Variants in CMIP observed in about 807,000 individuals in gnomAD.
CMIP encodes c-Maf inducing protein.
Under a neutral mutation model 97.3 loss-of-function variants are expected in CMIP, and 13 were observed. The ratio of observed to expected loss-of-function variants is 0.13; its 90% CI spans 0.09 to 0.21. The LOEUF is 0.21. Ranked by LOEUF, CMIP falls within the 10% of genes least tolerant of loss-of-function variation. The probability of loss-of-function intolerance (pLI) is 1.00; values close to 1 mark genes in which losing one functional copy is unlikely to be tolerated. For synonymous variants in CMIP, 538 were observed against 436.3 expected, an observed-to-expected ratio of 1.23 and a Z score of -2.91; for missense variants, 847 against 1,024.9, an observed-to-expected ratio of 0.83 and a Z score of 2.37.
chr16:81,465,403 C>G (rs2150741519), intron 1 of CMIP, among the ~76,000 whole-genome samples: 1 of 152,262 alleles, frequency 6.6e-6, no homozygotes, highest in Non-Finnish European at 1.5e-5. Context: ...AGGTTGCGTC[C>G]TTGATAGGGG....
rs1299307075 is a variant in CMIP at position 81,553,145 on chromosome 16, C to T, written c.301-54422C>T. On this transcript the variant is annotated intron_variant, in intron 1 of 20. Transcript: ENST00000537098. ...TGAGTCTCTGCTTGTTTCAGTCCCA[C>T]TGTTTCTCAGTCTTCCCTCGTTTTC... 3.9e-5 allele frequency among the ~76,000 whole-genome samples: 6 copies of T among 152,192 alleles called. No individual in the cohort carries two copies. In the East Asian group the frequency reaches 9.7e-4, roughly 24 times the overall value.
intron 1 of CMIP, among the ~76,000 whole-genome samples, chr16:81,569,962 TTCA>T (rs2091054741): frequency 6.6e-6 from 1 of 152,124 alleles, no homozygotes; most frequent in Non-Finnish European, 1.5e-5. Flanking sequence ...CATTCATTCA[TTCA>T]TTCATTCATT....
chr16:81,585,820 A>G lies in CMIP; in HGVS notation c.301-21747A>G, dbSNP rs189168538. On this transcript the variant is annotated intron_variant, in intron 1 of 20. Transcript: ENST00000537098. Reference sequence around the variant, plus strand: ...TCCCTGGCCCAGCAAAATCCTCCTCACTTCTCAAGATTCGGCTGTGAGCAG... The same window carrying G: ...TCCCTGGCCCAGCAAAATCCTCCTCGCTTCTCAAGATTCGGCTGTGAGCAG... 5.9e-4 allele frequency among the ~76,000 whole-genome samples: 89 copies of G among 152,082 alleles called. 1 individual carries two copies. In the East Asian group the frequency reaches 0.016, roughly 27 times the overall value.
intron 3 of CMIP, among the ~76,000 whole-genome samples, chr16:81,626,122 G>C (rs887853424): frequency 6.6e-6 from 1 of 152,210 alleles, no homozygotes; most frequent in Non-Finnish European, 1.5e-5. Flanking sequence ...ACAGCCCCTC[G>C]ATCACCGCAT....
At chr16:81,705,424 C>G in intron 18 of CMIP, 75 bp from the exon 19 acceptor site, 1 of 1,087,186 alleles carries the variant, frequency 9.2e-7, no homozygotes. Context: ...TCCCTTTCCT[C>G]CACCTCTGCC....
chr16:81,615,762 T>G (rs1245484259), intron 2 of CMIP, among the ~76,000 whole-genome samples: 1 of 151,926 alleles, frequency 6.6e-6, no homozygotes. Context: ...TGTATGTGTC[T>G]TTGTGTGTGT....
intron 1 of CMIP, among the ~76,000 whole-genome samples, chr16:81,532,237 C>T (rs1229968121): frequency 2.0e-5 from 3 of 152,240 alleles, no homozygotes; most frequent in Admixed American, 6.5e-5. Flanking sequence ...CGGATCACCT[C>T]ATCATTAGAT....
chr16:81,641,417 A>G (rs1229190773), intron 3 of CMIP, among the ~76,000 whole-genome samples: 4 of 151,734 alleles, frequency 2.6e-5, no homozygotes, highest in Admixed American at 1.3e-4. Context: ...AGCTACATAC[A>G]ATTTTTTTTT....
In CMIP at chr16:81,445,489, G is replaced by T; in HGVS notation, c.248G>T (p.Arg83Leu). Reference protein sequence around the residue: ...SKILTSKFLRRWEPHHLTLAD... With the variant: ...SKILTSKFLRLWEPHHLTLAD... Reference sequence around the variant, plus strand: ...ATCCTCACCTCGAAATTCCTGAGGCGCTGGGAGCCGCACCACCTAACGCTG... The same window carrying T: ...ATCCTCACCTCGAAATTCCTGAGGCTCTGGGAGCCGCACCACCTAACGCTG... Residue 83 changes from arginine (R) to leucine (L), a missense_variant, in exon 1 of 21, where the codon CGC becomes CTC. Arg to Leu is a moderately radical substitution (Grantham distance 102). This residue lies in a region of CMIP where 285 missense variants were observed against 392.2 expected (regional missense o/e 0.73). Coordinates refer to ENST00000537098, the MANE Select transcript of CMIP (RefSeq NM_198390.3). 1 of 1,556,040 alleles carries T rather than the reference G, an allele frequency of 6.4e-7. No homozygotes were observed.
intron 3 of CMIP, among the ~76,000 whole-genome samples, chr16:81,634,668 T>C (rs2150979627): frequency 6.6e-6 from 1 of 152,302 alleles, no homozygotes; most frequent in African/African-American, 2.4e-5. Context: ...CATGACAGCA[T>C]TACCTGGCTT....
intron 3 of CMIP, among the ~76,000 whole-genome samples, chr16:81,636,552 G>A (rs2092237937): frequency 6.8e-6 from 1 of 146,306 alleles, no homozygotes; most frequent in South Asian, 2.1e-4. Context: ...CTGCATTCCA[G>A]CCTGGGTTAC....
At chr16:81,651,501 G>T (rs1205716861) in intron 3 of CMIP, 1 of 399,580 alleles carries the variant, frequency 2.5e-6, no homozygotes, top group African/African-American at 2.2e-5. Context: ...AGCATTCCAG[G>T]TTTAGTCCCT....
At position 81,678,324 on chromosome 16, in the gene CMIP, C is replaced by A; in HGVS notation, c.1084C>A (p.Pro362Thr). The stretch of plus-strand genomic sequence containing the variant: ...GGAAATCCGGAACGGCTGCCAGCAG[C>A]CGTGCGACCGGAAGCCCACTTTACC... ...LKEIRNGCQQ[P>T]CDRKPTLPLR... is the part of the protein sequence containing the mutation. Residue 362 changes from proline (P) to threonine (T), a missense_variant, in exon 10 of 21, where the codon CCG becomes ACG. Physicochemically the swap from Pro to Thr is conservative, Grantham distance 38. Around this residue, in one of 4 missense-constraint regions of CMIP, gnomAD observed 202 missense variants for 168.7 expected, o/e 1.20. Coordinates refer to ENST00000537098, the MANE Select transcript of CMIP (RefSeq NM_198390.3). 6.2e-7 allele frequency: 1 copy of A among 1,610,244 alleles called. No homozygotes were observed. Among genetic ancestry groups the A allele is most frequent in the Non-Finnish European group, 8.5e-7 (1 of 1,177,988 alleles).
At chr16:81,639,098 G>T (rs371798774) in intron 3 of CMIP, among the ~76,000 whole-genome samples, 2 of 152,170 alleles carry the variant, frequency 1.3e-5, no homozygotes, top group African/African-American at 4.8e-5. Flanking sequence ...AGGACCAGGG[G>T]GTGACCCTGA....
chr16:81,444,871 C>T lies in CMIP; in HGVS notation c.-371C>T, dbSNP rs1447946158. 1.4e-5 allele frequency among the ~76,000 whole-genome samples: 2 copies of T among 142,890 alleles called. No homozygotes were observed. Among genetic ancestry groups the T allele is most frequent in the African/African-American group, 2.5e-5 (1 of 39,846 alleles). The allele number at this position is 142,890 out of a possible 152,430, so 93.7% of individuals were successfully genotyped here. ...CACACGCGCGCGGCGGCGCGGGGCC[C>T]CGAGACACGCCCGCCCCCACCCCGC... On this transcript the variant is annotated 5_prime_UTR_variant, in exon 1 of 21. Coordinates refer to ENST00000537098, the MANE Select transcript of CMIP (RefSeq NM_198390.3).
At chr16:81,562,638 T>C (rs930946791) in intron 1 of CMIP, among the ~76,000 whole-genome samples, 2 of 152,232 alleles carry the variant, frequency 1.3e-5, no homozygotes, top group East Asian at 3.9e-4. Flanking sequence ...TGGCCCCAGA[T>C]GGGTGCATTA....
rs2151015414 is a variant in CMIP at position 81,657,799 on chromosome 16, C to T, written c.664C>T (p.His222Tyr). 1.9e-6 allele frequency: 3 copies of T among 1,608,484 alleles called. No individual in the cohort carries two copies. The highest frequency in any genetic ancestry group is 4.5e-5 in the East Asian group (2 of 44,636). ...SENTNLTTQE[H>Y]ENIIVAIAPL... ...GAACACAAACTTGACCACCCAGGAG[C>T]ATGAAAACATCATTGTGGTAAGTTC... is the stretch of plus-strand genomic sequence containing the variant. Residue 222 changes from histidine (H) to tyrosine (Y), a missense_variant, in exon 5 of 21, where the codon CAT becomes TAT. Coordinates refer to ENST00000537098, the MANE Select transcript of CMIP (RefSeq NM_198390.3).
intron 1 of CMIP, among the ~76,000 whole-genome samples, chr16:81,551,892 A>G (rs1196409225): frequency 6.6e-6 from 1 of 152,154 alleles, no homozygotes; most frequent in East Asian, 1.9e-4. Flanking sequence ...TGCTGTGACA[A>G]AGACTCCCCG....
In CMIP at chr16:81,670,632, G is replaced by T. The variant is rs60715853; in HGVS notation, c.929+387G>T. Among the ~76,000 whole-genome samples, 125 of 139,732 alleles carry T rather than the reference G, an allele frequency of 8.9e-4. 3 individuals are homozygous for T. The highest frequency in any genetic ancestry group is 3.7e-3 in the Admixed American group (51 of 13,820). 91.7% of individuals were successfully genotyped at this position (139,732 alleles called of 152,430 possible). ...TTTGGGTTTTTTTTGGGGGGGGGGG[G>T]GGTGGTTGCTTTTGCTTTGTTTAAT... On this transcript the variant is annotated intron_variant, in intron 8 of 20. Coordinates refer to ENST00000537098, the MANE Select transcript of CMIP (RefSeq NM_198390.3).
Sources: gnomAD v4.1 joint callset for allele counts (sites outside exome capture counted in the v4.1 genomes callset) on GRCh38, gnomAD v4.1.1 for gene constraint, gnomAD v4.1.1 regional missense constraint, MANE v1.5 for transcripts, NCBI Gene and HGNC (gene_info 2026-07-23, HGNC 2026-07-21) for gene names.